Variants in UBR7 observed in about 807,000 individuals in gnomAD.
UBR7 encodes the protein putative E3 ubiquitin-protein ligase UBR7.
A neutral mutation model predicts 57.0 loss-of-function variants in UBR7; 22 were observed. That is an observed-to-expected ratio of 0.39 (90% CI 0.28 to 0.55). The LOEUF is 0.55. UBR7 is among the 20% of genes least tolerant of loss of function. The pLI, the probability that UBR7 is intolerant of heterozygous loss-of-function variation, is 0.69. For synonymous variants in UBR7, 167 were observed against 179.8 expected (o/e 0.93, Z 0.57); for missense variants, 395 against 513.2 (o/e 0.77, Z 2.23).
chr14:93,208,633 A>G (rs1192988117), intron 1 of UBR7, among the ~76,000 whole-genome samples: 1 of 152,074 alleles, frequency 6.6e-6, no homozygotes, highest in Non-Finnish European at 1.5e-5. Context: ...TGTTCCCACA[A>G]CCCAGATCAA....
chr14:93,224,012 C>T (rs557153743), intron 10 of UBR7: 28 of 805,284 alleles, frequency 3.5e-5, no homozygotes, highest in South Asian at 8.4e-5. Context: ...CCAGAAGTCC[C>T]GGGACTTGGC....
rs142258952 is a variant in UBR7 at position 93,219,792 on chromosome 14, A to C, written c.960+431A>C. Among the ~76,000 whole-genome samples, 253 of 152,216 alleles carry C rather than the reference A, an allele frequency of 1.7e-3. 1 individual carries two copies. Among genetic ancestry groups the C allele is most frequent in the African/African-American group, 6.0e-3 (248 of 41,540 alleles). On this transcript the variant is annotated intron_variant, in intron 8 of 10. Transcript: ENST00000013070. Reference sequence around the variant, plus strand: ...GGAGTTCGAGACCAGCCTGACCAACATGGTGAAATCCTGTCTGTACTAAAA... The same window carrying C: ...GGAGTTCGAGACCAGCCTGACCAACCTGGTGAAATCCTGTCTGTACTAAAA...
chr14:93,217,427 G>A (rs1432577517), intron 6 of UBR7, among the ~76,000 whole-genome samples: 1 of 152,154 alleles, frequency 6.6e-6, no homozygotes, highest in Non-Finnish European at 1.5e-5. Context: ...GGCATCCAAT[G>A]TGAGCTCCCC....
At chr14:93,214,809 A>T (rs1210067965) in intron 4 of UBR7, 120 bp from the exon 5 acceptor site, 13 of 859,902 alleles carry the variant, frequency 1.5e-5, no homozygotes, top group Non-Finnish European at 2.3e-5. Context: ...TCTCAATGTA[A>T]GCCTTTGGAA....
chr14:93,225,582 A>G (rs1029135453), intron 10 of UBR7, among the ~76,000 whole-genome samples: 1 of 152,176 alleles, frequency 6.6e-6, no homozygotes, highest in Non-Finnish European at 1.5e-5. Context: ...CCAATGAGCT[A>G]TCATCACACC....
chr14:93,224,527 G>A (rs1271588511), intron 10 of UBR7, among the ~76,000 whole-genome samples: 2 of 151,832 alleles, frequency 1.3e-5, no homozygotes, highest in South Asian at 2.1e-4. Flanking sequence ...ACAGGCACCC[G>A]CCACCACGCC....
chr14:93,224,018 T>A, intron 10 of UBR7: 1 of 832,550 alleles, frequency 1.2e-6, no homozygotes, highest in Non-Finnish European at 2.0e-6. Flanking sequence ...GTCCCGGGAC[T>A]TGGCGACAAC....
At chr14:93,214,511 C>T (rs1439557539) in intron 4 of UBR7, among the ~76,000 whole-genome samples, 1 of 152,136 alleles carries the variant, frequency 6.6e-6, no homozygotes, top group Non-Finnish European at 1.5e-5. Flanking sequence ...TTTCAGTGTA[C>T]TTGGCAGGAT....
chr14:93,220,834 A>AC (rs747030380), intron 9 of UBR7, among the ~76,000 whole-genome samples: 5 of 149,758 alleles, frequency 3.3e-5, no homozygotes, highest in Non-Finnish European at 7.4e-5. Context: ...CCCCACCACC[A>AC]CCCAGCTGCA....
At chr14:93,216,947 C>G (rs1894604215) in intron 6 of UBR7, among the ~76,000 whole-genome samples, 1 of 152,128 alleles carries the variant, frequency 6.6e-6, no homozygotes, top group South Asian at 2.1e-4. Flanking sequence ...GTGCTGCTCC[C>G]TTTCTGTTCA....
intron 2 of UBR7, 119 bp downstream of exon 2, chr14:93,210,076 A>ATTTATTTATTT (rs1894449029): frequency 3.3e-6 from 2 of 611,504 alleles, no homozygotes; most frequent in African/African-American, 4.1e-5. Context: ...GAAATTAATT[A>ATTTATTTATTT]ATTAATTTAT....
Position 93,219,239 on chromosome 14 carries a change from G to T in UBR7, c.838G>T (p.Ala280Ser). 6.2e-7 allele frequency: 1 copy of T among 1,614,092 alleles called. No individual in the cohort carries two copies. Among genetic ancestry groups the T allele is most frequent in the African/African-American group, 1.3e-5 (1 of 75,018 alleles). ...QTVFKNESLN[A>S]ESKSGCKLQE... ...AGTGTTTAAGAATGAAAGCCTCAACGCAGAATCAAAATCTGGCTGCAAACT... is the reference window on the plus strand; with the variant it reads ...AGTGTTTAAGAATGAAAGCCTCAACTCAGAATCAAAATCTGGCTGCAAACT... Residue 280 changes from alanine to serine, a missense_variant, in exon 8 of 11, where the codon GCA becomes TCA. Coordinates refer to ENST00000013070, the MANE Select transcript of UBR7 (RefSeq NM_175748.4).
rs1894489218 is a variant in UBR7, at chr14:93,211,763, A to C, written c.346-269A>C. Among the ~76,000 whole-genome samples, 2 of 152,124 alleles carry C rather than the reference A, an allele frequency of 1.3e-5. 1 individual carries two copies. The highest frequency in any genetic ancestry group is 4.1e-4 in the South Asian group (2 of 4,828). On this transcript the variant is annotated intron_variant, in intron 3 of 10. Coordinates refer to ENST00000013070, the MANE Select transcript of UBR7 (RefSeq NM_175748.4). ...CATAGATTGATAATTAATATTTATG[A>C]TTAACTTTTATCTCCATTTTATTGA...
intron 4 of UBR7, among the ~76,000 whole-genome samples, chr14:93,214,012 T>G (rs2140100340): frequency 6.6e-6 from 1 of 152,192 alleles, no homozygotes; most frequent in East Asian, 1.9e-4. Flanking sequence ...CTGCAACCTC[T>G]GCCTCCCAGG....
At chr14:93,216,796 G>A (rs1462986710) in intron 6 of UBR7, among the ~76,000 whole-genome samples, 2 of 151,894 alleles carry the variant, frequency 1.3e-5, no homozygotes, top group East Asian at 3.9e-4. Flanking sequence ...TGTATTTTTA[G>A]TAGAGACAAG....
chr14:93,219,153 TAAACTATGA>T, intron 7 of UBR7, 50 bp from the exon 8 acceptor site: 2 of 1,580,900 alleles, frequency 1.3e-6, no homozygotes, highest in Non-Finnish European at 1.7e-6. Context: ...TTACAAAATC[TAAACTATGA>T]AAACTATGGT....
rs1566826221 is a variant in UBR7 at position 93,227,538 on chromosome 14, T to C, written c.*503T>C. The C allele has an allele frequency of 1.4e-6, 1 of 699,178 alleles. No individual in the cohort carries two copies. The highest frequency in any genetic ancestry group is 2.7e-5 in the East Asian group (1 of 37,232). The allele number at this position is 699,178 out of a possible 1,614,324, so 43.3% of individuals were successfully genotyped here. ...AGCCTGGTCTGCTCCTTCTTTCACG[T>C]CCCTGTTTTCTGAGGTTTGGTCATA... On this transcript the variant is annotated 3_prime_UTR_variant, in exon 11 of 11. Transcript: ENST00000013070.
intron 1 of UBR7, 36 bp from the exon 2 acceptor site, chr14:93,209,788 T>G: frequency 1.2e-6 from 2 of 1,610,400 alleles, no homozygotes; most frequent in South Asian, 2.2e-5. Context: ...ACCATGCTAC[T>G]ACATTAATTC....
intron 10 of UBR7, chr14:93,223,474 C>G: frequency 1.9e-6 from 1 of 530,150 alleles, no homozygotes. Flanking sequence ...GGCTTGAGCC[C>G]TGCTTTCTTA....
Sources: gnomAD v4.1 joint callset for allele counts (sites outside exome capture counted in the v4.1 genomes callset) on GRCh38, gnomAD v4.1.1 for gene constraint, MANE v1.5 for transcripts, NCBI Gene and HGNC (gene_info 2026-07-23, HGNC 2026-07-21) for gene names.